Variants in CENPW observed in about 807,000 individuals in gnomAD.
The protein encoded by CENPW is centromere protein W.
A neutral mutation model predicts 11.1 loss-of-function variants in CENPW; 3 were observed. The observed-to-expected ratio is 0.27, with a 90% CI of 0.12 to 0.70. The LOEUF (loss-of-function observed/expected upper bound fraction) is 0.70. Ranked by LOEUF, CENPW falls within the 30% of genes least tolerant of loss-of-function variation. The pLI is 0.77. For missense variants in CENPW, 100 were observed against 105.6 expected (o/e 0.95, Z 0.23); for synonymous variants, 38 against 42.0 (o/e 0.91, Z 0.37).
At chr6:126,364,961 A>G in the CENPW span, among the ~76,000 whole-genome samples, 2 of 152,358 alleles carry the variant, frequency 1.3e-5, no homozygotes, top group Admixed American at 6.5e-5. Flanking sequence ...TAAATCAAGA[A>G]ACTAAGATTC....
chr6:126,427,007 C>T, the CENPW span, among the ~76,000 whole-genome samples: 4 of 152,038 alleles, frequency 2.6e-5, no homozygotes, highest in Non-Finnish European at 5.9e-5. Flanking sequence ...ATATCTTTTC[C>T]GACTGTGGAG....
At chr6:126,439,754 A>G in the CENPW span, among the ~76,000 whole-genome samples, 1 of 151,602 alleles carries the variant, frequency 6.6e-6, no homozygotes, top group African/African-American at 2.4e-5. Context: ...CACTCTCTCT[A>G]GGCCTTCTTA....
the CENPW span, among the ~76,000 whole-genome samples, chr6:126,390,746 A>G: frequency 1.3e-5 from 2 of 151,938 alleles, no homozygotes; most frequent in Non-Finnish European, 2.9e-5. Context: ...TGCCTGGCTT[A>G]TTTCACTTAA....
Position 126,348,549 on chromosome 6 carries a change from C to T in CENPW, c.*57C>T. On this transcript the variant is annotated 3_prime_UTR_variant, in exon 3 of 3. Transcript: ENST00000368328. ...TGCATTCTTTTGGGTGGTAACAGATCATAAAGACATTTTTTACACATCAGT... is the reference window on the plus strand; with the variant it reads ...TGCATTCTTTTGGGTGGTAACAGATTATAAAGACATTTTTTACACATCAGT... The T allele has an allele frequency of 9.7e-7, 1 of 1,029,036 alleles. No homozygotes were observed. The highest frequency in any genetic ancestry group is 2.4e-5 in the East Asian group (1 of 41,288). The allele number at this position is 1,029,036 out of a possible 1,614,324, so 63.7% of individuals were successfully genotyped here.
At chr6:126,476,889 T>A in the CENPW span, among the ~76,000 whole-genome samples, 1 of 151,994 alleles carries the variant, frequency 6.6e-6, no homozygotes, top group Admixed American at 6.6e-5. Flanking sequence ...CCAGATGGGT[T>A]AATGTCTAAC....
chr6:126,421,832 C>T, the CENPW span, among the ~76,000 whole-genome samples: 89 of 152,166 alleles, frequency 5.8e-4, no homozygotes, highest in African/African-American at 1.7e-3. Flanking sequence ...AGCTCCACTA[C>T]GTTATTAATG....
chr6:126,417,438 T>A, the CENPW span, among the ~76,000 whole-genome samples: 1 of 152,196 alleles, frequency 6.6e-6, no homozygotes, highest in African/African-American at 2.4e-5. Flanking sequence ...TGTGAGGACA[T>A]GAGATTTGGG....
the CENPW span, among the ~76,000 whole-genome samples, chr6:126,459,646 G>A: frequency 1.3e-5 from 2 of 151,494 alleles, no homozygotes; most frequent in Non-Finnish European, 3.0e-5. Context: ...AAAATATCTT[G>A]TATATTAGCT....
chr6:126,387,064 C>T, the CENPW span, among the ~76,000 whole-genome samples: 1 of 151,846 alleles, frequency 6.6e-6, no homozygotes, highest in African/African-American at 2.4e-5. Flanking sequence ...ACTAGTGAAA[C>T]AATAAATCTA....
the CENPW span, among the ~76,000 whole-genome samples, chr6:126,396,597 T>C: frequency 6.6e-6 from 1 of 152,038 alleles, no homozygotes; most frequent in South Asian, 2.1e-4. Flanking sequence ...TTTACCTTTC[T>C]CTCTGCTTTT....
downstream of CENPW, among the ~76,000 whole-genome samples, chr6:126,353,110 A>G (rs1780510227): frequency 6.6e-6 from 1 of 152,056 alleles, no homozygotes; most frequent in South Asian, 2.1e-4. Context: ...TATAGACACA[A>G]ATGTATTACT....
chr6:126,471,382 C>T, the CENPW span, among the ~76,000 whole-genome samples: 14 of 149,986 alleles, frequency 9.3e-5, no homozygotes, highest in Non-Finnish European at 1.9e-4. Flanking sequence ...CTTGAAGCCT[C>T]CCCAGCCATG....
the CENPW span, among the ~76,000 whole-genome samples, chr6:126,362,268 G>A: frequency 6.6e-6 from 1 of 152,166 alleles, no homozygotes; most frequent in Non-Finnish European, 1.5e-5. Flanking sequence ...ATGCACAAAA[G>A]CTCATGGGCT....
chr6:126,461,624 A>G, the CENPW span, among the ~76,000 whole-genome samples: 18 of 151,892 alleles, frequency 1.2e-4, no homozygotes, highest in Non-Finnish European at 2.7e-4. Context: ...AAATTTTGAT[A>G]TGAGAAATAA....
chr6:126,431,125 A>C, the CENPW span, among the ~76,000 whole-genome samples: 1 of 152,122 alleles, frequency 6.6e-6, no homozygotes, highest in Non-Finnish European at 1.5e-5. Context: ...TTTTATCCTA[A>C]ATATCCTTAG....
the CENPW span, among the ~76,000 whole-genome samples, chr6:126,363,098 C>A: frequency 6.6e-6 from 1 of 152,206 alleles, no homozygotes; most frequent in East Asian, 1.9e-4. Flanking sequence ...AACAACAACA[C>A]TACCTAGAGA....
the CENPW span, among the ~76,000 whole-genome samples, chr6:126,448,549 G>T: frequency 6.6e-6 from 1 of 150,910 alleles, no homozygotes; most frequent in Non-Finnish European, 1.5e-5. Context: ...AAATATATTT[G>T]TCCTAGTGCC....
At chr6:126,393,777 A>G in the CENPW span, among the ~76,000 whole-genome samples, 1 of 149,536 alleles carries the variant, frequency 6.7e-6, no homozygotes, top group Non-Finnish European at 1.5e-5. Flanking sequence ...GTGGATATAT[A>G]TTTATATATA....
the CENPW span, among the ~76,000 whole-genome samples, chr6:126,453,407 TG>T: frequency 6.6e-6 from 1 of 151,178 alleles, no homozygotes; most frequent in Non-Finnish European, 1.5e-5. Context: ...GAACCTATGT[TG>T]AGAATTCTTA....
Sources: gnomAD v4.1 joint callset for allele counts (sites outside exome capture counted in the v4.1 genomes callset) on GRCh38, gnomAD v4.1.1 for gene constraint, MANE v1.5 for transcripts, NCBI Gene and HGNC (gene_info 2026-07-23, HGNC 2026-07-21) for gene names.